Variants in DTD1 observed in about 807,000 individuals in gnomAD.
DTD1 encodes the protein D-tyrosyl-tRNA deacylase 1 homolog.
DTD1 carries 13 observed loss-of-function variants against 25.6 expected under a neutral mutation model. The observed-to-expected ratio is 0.51, with a 90% CI of 0.33 to 0.81. DTD1 has a LOEUF of 0.81. Ranked by LOEUF, DTD1 falls within the 30% of genes least tolerant of loss-of-function variation. The pLI, the probability that DTD1 is intolerant of heterozygous loss-of-function variation, is 0.02. For synonymous variants in DTD1, 110 were observed against 103.6 expected (o/e 1.06, Z -0.37); for missense variants, 193 against 266.4 (o/e 0.72, Z 1.92).
At chr20:18,625,362 A>G (rs1335477458) in intron 3 of DTD1, among the ~76,000 whole-genome samples, 1 of 152,236 alleles carries the variant, frequency 6.6e-6, no homozygotes, top group Non-Finnish European at 1.5e-5. Flanking sequence ...TCCTAGAGCT[A>G]CTGGTCTCTG....
chr20:18,729,363 C>T (rs761743330), intron 4 of DTD1, among the ~76,000 whole-genome samples: 1 of 152,226 alleles, frequency 6.6e-6, no homozygotes, highest in Non-Finnish European at 1.5e-5. Context: ...AGTGATAACA[C>T]ACGTTCAATT....
At chr20:18,650,955 C>T (rs2122354207) in intron 4 of DTD1, among the ~76,000 whole-genome samples, 1 of 152,268 alleles carries the variant, frequency 6.6e-6, no homozygotes, top group East Asian at 1.9e-4. Context: ...AAATGTGTTA[C>T]AACGCTCTAG....
chr20:18,636,751 T>A (rs752820649), intron 4 of DTD1, among the ~76,000 whole-genome samples: 13 of 152,186 alleles, frequency 8.5e-5, no homozygotes, highest in Non-Finnish European at 1.5e-4. Context: ...CCAGGACTTT[T>A]GTCACATTCT....
intron 3 of DTD1, among the ~76,000 whole-genome samples, chr20:18,607,806 C>T (rs1268682866): frequency 6.6e-6 from 1 of 151,978 alleles, no homozygotes; most frequent in African/African-American, 2.4e-5. Flanking sequence ...CTCTGCCTCC[C>T]AGGTTCAAGC....
At chr20:18,596,698 G>A (rs545923559) in intron 3 of DTD1, among the ~76,000 whole-genome samples, 2 of 150,272 alleles carry the variant, frequency 1.3e-5, no homozygotes, top group African/African-American at 4.9e-5. Context: ...CTATGTAGTC[G>A]TTATAAACAA....
intron 4 of DTD1, among the ~76,000 whole-genome samples, chr20:18,675,822 A>G (rs10623715): frequency 2.8e-3 from 6 of 2,128 alleles, no homozygotes; most frequent in African/African-American, 3.7e-3. Context: ...ACACACATAT[A>G]TGTAAATATA....
intron 4 of DTD1, among the ~76,000 whole-genome samples, chr20:18,681,608 A>G (rs185152042): frequency 1.3e-5 from 2 of 152,330 alleles, no homozygotes; most frequent in African/African-American, 2.4e-5. Context: ...GGAAGAGAGT[A>G]GAAGAAAATG....
At chr20:18,597,828 C>T (rs544479531) in intron 3 of DTD1, among the ~76,000 whole-genome samples, 75 of 152,176 alleles carry the variant, frequency 4.9e-4, no homozygotes, top group Admixed American at 2.0e-3. Context: ...GCTCTTCTTT[C>T]TGAAGTACAT....
Position 18,698,779 on chromosome 20 carries a change from T to A in DTD1, c.478-45321T>A, listed in dbSNP as rs139536219. Reference sequence around the variant, plus strand: ...TGAAAGTCACAGTCAAATAGAATTCTCAGTTAAAAGTTCCTTAAACAATAG... The same window carrying A: ...TGAAAGTCACAGTCAAATAGAATTCACAGTTAAAAGTTCCTTAAACAATAG... On this transcript the variant is annotated intron_variant, in intron 4 of 5. Transcript: ENST00000377452. 5 of 152,368 alleles carry A rather than the reference T, an allele frequency of 3.3e-5. No homozygotes were observed. The East Asian group carries it at 9.6e-4, about 29-fold the overall frequency. The allele number at this position is 152,368 out of a possible 1,614,324, so 9.4% of individuals were successfully genotyped here.
chr20:18,646,265 G>A (rs2060850029), intron 4 of DTD1, among the ~76,000 whole-genome samples: 1 of 152,166 alleles, frequency 6.6e-6, no homozygotes, highest in Non-Finnish European at 1.5e-5. Context: ...ATGGAAGAAT[G>A]TCCTCATGGG....
At chr20:18,649,078 T>C (rs2060862721) in intron 4 of DTD1, among the ~76,000 whole-genome samples, 1 of 150,156 alleles carries the variant, frequency 6.7e-6, no homozygotes, top group Admixed American at 6.6e-5. Context: ...TTGTAGCTCC[T>C]ACATCATATG....
rs6075374 is a variant in DTD1 at position 18,590,321 on chromosome 20, C to T, written c.43+2206C>T. 4.0e-5 allele frequency among the ~76,000 whole-genome samples: 6 copies of T among 151,776 alleles called. 1 individual carries two copies. The highest frequency in any genetic ancestry group is 1.9e-4 in the East Asian group (1 of 5,182). ...GCATCCTGAGTAGTTAGACTACAGG[C>T]GTGTGCCGCCACCGCTATGTCCAGC... is the stretch of plus-strand genomic sequence containing the variant. On this transcript the variant is annotated intron_variant, in intron 1 of 5. Coordinates refer to ENST00000377452, the MANE Select transcript of DTD1 (RefSeq NM_080820.6).
At chr20:18,661,503 C>T (rs1456704388) in intron 4 of DTD1, among the ~76,000 whole-genome samples, 2 of 151,632 alleles carry the variant, frequency 1.3e-5, no homozygotes, top group Non-Finnish European at 2.9e-5. Context: ...TCCTGAGTAG[C>T]TGGGACTACA....
intron 5 of DTD1, among the ~76,000 whole-genome samples, chr20:18,752,149 A>G (rs1430142541): frequency 6.6e-6 from 1 of 151,854 alleles, no homozygotes; most frequent in Non-Finnish European, 1.5e-5. Flanking sequence ...CAGTTTGGAT[A>G]TGACGTGCCT....
rs1022646240 is a variant in DTD1, at chr20:18,749,488, G to A, written c.*19+5217G>A. ...AGGGGGCAGCTTCATTAGGAGGTTG[G>A]GGGTCATGGCCTCAGCTCTTCATAG... On this transcript the variant is annotated intron_variant, in intron 5 of 5. Transcript: ENST00000377452. The surrounding 1 kb of genome is among the most constrained non-coding windows in gnomAD (Gnocchi z 4.2). Among the ~76,000 whole-genome samples, 1 of 152,112 alleles carries A rather than the reference G, an allele frequency of 6.6e-6. No individual in the cohort carries two copies. The highest frequency in any genetic ancestry group is 1.5e-5 in the Non-Finnish European group (1 of 68,006).
chr20:18,699,538 C>G (rs910172057), intron 4 of DTD1, among the ~76,000 whole-genome samples: 2 of 152,150 alleles, frequency 1.3e-5, no homozygotes, highest in Non-Finnish European at 2.9e-5. Context: ...CGCGTTGAGG[C>G]AAGTCATCTG....
intron 4 of DTD1, among the ~76,000 whole-genome samples, chr20:18,671,271 A>G (rs1437742211): frequency 6.6e-6 from 1 of 152,222 alleles, no homozygotes; most frequent in Non-Finnish European, 1.5e-5. Context: ...TTTAATTGAG[A>G]ACATTTCAAT....
Position 18,744,225 on chromosome 20 carries a change from C to T in DTD1, c.603C>T (p.Gly201=), listed in dbSNP as rs201965863. 80 of 1,612,220 alleles carry T rather than the reference C, an allele frequency of 5.0e-5. No homozygotes were observed. Among genetic ancestry groups the T allele is most frequent in the South Asian group, 3.7e-4 (34 of 90,996 alleles). ...GCAGTGCCAGCAGCGGGGCTGAGGG[C>T]GACGTGTCCTCTGAACGGGAGCCGT... ...EDRSASSGAE[G]DVSSEREP is the part of the protein sequence containing the mutation. The change falls in exon 5 of 6, where the codon GGC becomes GGT. Residue 201 remains glycine, a synonymous_variant. Transcript: ENST00000377452.
intron 4 of DTD1, among the ~76,000 whole-genome samples, chr20:18,681,248 C>G (rs193200154): frequency 6.6e-6 from 1 of 152,264 alleles, no homozygotes; most frequent in African/African-American, 2.4e-5. Context: ...CAGCTGGGCA[C>G]GCTGAGCTGT....
Sources: allele counts gnomAD v4.1 joint callset (sites outside exome capture counted in the v4.1 genomes callset), GRCh38; gene constraint gnomAD v4.1.1; non-coding constraint Gnocchi (gnomAD v3.1); transcripts MANE v1.5; gene names NCBI Gene and HGNC (gene_info 2026-07-23, HGNC 2026-07-21).